Variants in WDR76 observed in about 807,000 individuals in gnomAD.
WDR76 encodes the protein WD repeat domain 76.
WDR76 carries 52 observed loss-of-function variants against 70.2 expected under a neutral mutation model. The ratio of observed to expected loss-of-function variants is 0.74; its 90% CI spans 0.59 to 0.93. WDR76 has a LOEUF of 0.93. WDR76 is among the 40% of genes least tolerant of loss of function. WDR76 has a pLI of 0.00. For synonymous variants in WDR76, 292 were observed against 271.1 expected, an observed-to-expected ratio of 1.08 and a Z score of -0.76; for missense variants, 756 against 760.2, an observed-to-expected ratio of 0.99 and a Z score of 0.07.
In WDR76 at chr15:43,868,054, T is replaced by C. The variant is rs1028376249; in HGVS notation, c.*1662T>C. ...TCTCTGTAATCTAAGTGTAAAAAGGTTTAGTTTTTTAATAGGTTTAGGTGT... is the reference window on the plus strand; with the variant it reads ...TCTCTGTAATCTAAGTGTAAAAAGGCTTAGTTTTTTAATAGGTTTAGGTGT... On this transcript the variant is annotated 3_prime_UTR_variant, in exon 13 of 13. Transcript: ENST00000263795. The C allele has an allele frequency of 3.9e-5, 6 of 152,186 alleles. No individual in the cohort carries two copies. The highest frequency in any genetic ancestry group is 7.4e-5 in the Non-Finnish European group (5 of 68,026). The allele number at this position is 152,186 out of a possible 1,614,324, so 9.4% of individuals were successfully genotyped here.
At chr15:43,862,572 G>A (rs1383939883) in intron 12 of WDR76, among the ~76,000 whole-genome samples, 3 of 150,336 alleles carry the variant, frequency 2.0e-5, no homozygotes, top group African/African-American at 7.4e-5. Flanking sequence ...GCAGGCTCGC[G>A]ATCTCGGCTC....
At chr15:43,835,225 G>T in intron 3 of WDR76, 75 bp downstream of exon 3, 1 of 1,396,876 alleles carries the variant, frequency 7.2e-7, no homozygotes. Context: ...CTGTCACTTG[G>T]GGAGGCTGAC....
chr15:43,845,789 A>C (rs1042561501), intron 8 of WDR76, among the ~76,000 whole-genome samples: 4 of 150,478 alleles, frequency 2.7e-5, no homozygotes, highest in Admixed American at 2.0e-4. Context: ...AGTCAAGTTA[A>C]TGTTCTCTGA....
In WDR76 at chr15:43,827,233, A is replaced by T. The variant is rs2087528745; in HGVS notation, c.60+141A>T. On this transcript the variant is annotated intron_variant, in intron 1 of 12. Transcript: ENST00000263795. ...CCCTGCCCTTAGGCCTTCAGCTTTG[A>T]CGAAAGGTTCTTATCAATAACCCGA... The T allele has an allele frequency of 4.2e-6, 4 of 962,116 alleles. No homozygotes were observed. In the African/African-American group the frequency reaches 6.6e-5, roughly 16 times the overall value. 59.6% of individuals were successfully genotyped at this position (962,116 alleles called of 1,614,324 possible). A position where few individuals can be genotyped will look rare whatever the true frequency, so the allele number is the denominator to read the frequency against.
intron 10 of WDR76, 44 bp downstream of exon 10, chr15:43,857,207 A>G: frequency 6.5e-7 from 1 of 1,527,116 alleles, no homozygotes; most frequent in East Asian, 2.3e-5. Flanking sequence ...TTTTAATGTC[A>G]CAATTACATG....
At chr15:43,850,696 T>C (rs959254453) in intron 8 of WDR76, among the ~76,000 whole-genome samples, 1 of 152,180 alleles carries the variant, frequency 6.6e-6, no homozygotes, top group African/African-American at 2.4e-5. Flanking sequence ...AGTAAGTTAA[T>C]ATTATACAGA....
At position 43,860,677 on chromosome 15, in the gene WDR76, T is replaced by A. The variant is rs183425874; in HGVS notation, c.1563-656T>A. Among the ~76,000 whole-genome samples the A allele has an allele frequency of 8.2e-4, 125 of 151,966 alleles. 2 individuals are homozygous for A. In the East Asian group the frequency reaches 0.01, roughly 12 times the overall value. On this transcript the variant is annotated intron_variant, in intron 11 of 12. Coordinates refer to ENST00000263795, the MANE Select transcript of WDR76 (RefSeq NM_024908.4). ...GCCACCATACCTAGCTATTTTTTTT[T>A]AAATTTTTTTTTGTAGTGATAGGGT...
intron 9 of WDR76, among the ~76,000 whole-genome samples, chr15:43,854,309 C>T (rs2087901033): frequency 6.6e-6 from 1 of 152,206 alleles, no homozygotes. Flanking sequence ...GTAGCTCACA[C>T]CTGTAATCTC....
chr15:43,863,329 A>G (rs2088027223), intron 12 of WDR76, among the ~76,000 whole-genome samples: 1 of 152,172 alleles, frequency 6.6e-6, no homozygotes, highest in Non-Finnish European at 1.5e-5. Context: ...AATCAAGCTA[A>G]TTAACATATG....
intron 9 of WDR76, among the ~76,000 whole-genome samples, chr15:43,853,999 A>G (rs2087897216): frequency 6.6e-6 from 1 of 152,198 alleles, no homozygotes. Flanking sequence ...GGAAATGCAA[A>G]TCACAATGAG....
chr15:43,830,562 C>G (rs75805149), intron 2 of WDR76, among the ~76,000 whole-genome samples: 2 of 49,246 alleles, frequency 4.1e-5, no homozygotes, highest in African/African-American at 7.2e-5. Flanking sequence ...AACTCCGTCT[C>G]AAAAAAAAAA....
intron 9 of WDR76, among the ~76,000 whole-genome samples, chr15:43,854,823 G>A (rs781516786): frequency 6.6e-6 from 1 of 152,138 alleles, no homozygotes; most frequent in South Asian, 2.1e-4. Flanking sequence ...GGTGGCTCAC[G>A]CCTGTAGTCC....
intron 2 of WDR76, among the ~76,000 whole-genome samples, chr15:43,830,494 G>A (rs545932612): frequency 3.8e-4 from 58 of 151,730 alleles, no homozygotes; most frequent in African/African-American, 1.3e-3. Flanking sequence ...CCTGGAAGGT[G>A]GAGGTTGCGG....
intron 9 of WDR76, among the ~76,000 whole-genome samples, chr15:43,851,749 C>T (rs1036283325): frequency 1.3e-5 from 2 of 152,170 alleles, no homozygotes; most frequent in African/African-American, 4.8e-5. Context: ...GCCTGGGCAA[C>T]ATGGCGAGAC....
chr15:43,839,794 C>T (rs1269975219), intron 5 of WDR76, 66 bp downstream of exon 5: 1 of 1,460,556 alleles, frequency 6.8e-7, no homozygotes, highest in Non-Finnish European at 9.2e-7. Flanking sequence ...AGTGTTGAAA[C>T]TAGACTAAAA....
At chr15:43,865,136 C>T (rs1402261343) in intron 12 of WDR76, among the ~76,000 whole-genome samples, 1 of 147,062 alleles carries the variant, frequency 6.8e-6, no homozygotes, top group African/African-American at 2.5e-5. Context: ...CACTCTGTTG[C>T]CCAGGCTGGA....
Position 43,865,255 on chromosome 15 carries a change from C to T in WDR76, c.1617-873C>T, listed in dbSNP as rs558022517. Among the ~76,000 whole-genome samples the T allele has an allele frequency of 3.3e-5, 5 of 151,508 alleles. No homozygotes were observed. The East Asian group carries it at 9.8e-4, about 30-fold the overall frequency. Reference sequence around the variant, plus strand: ...GGATTACAGGCAAGCACCACCATGCCTGGCTACTTTTTGTATTTTTATTTT... The same window carrying T: ...GGATTACAGGCAAGCACCACCATGCTTGGCTACTTTTTGTATTTTTATTTT... On this transcript the variant is annotated intron_variant, in intron 12 of 12. Transcript: ENST00000263795.
At chr15:43,830,562 C>CAAAA (rs1244207750) in intron 2 of WDR76, among the ~76,000 whole-genome samples, 1 of 49,234 alleles carries the variant, frequency 2.0e-5, no homozygotes, top group African/African-American at 7.2e-5. Flanking sequence ...AACTCCGTCT[C>CAAAA]AAAAAAAAAA....
At chr15:43,853,178 C>T (rs2140309023) in intron 9 of WDR76, among the ~76,000 whole-genome samples, 1 of 152,188 alleles carries the variant, frequency 6.6e-6, no homozygotes, top group Middle Eastern at 3.4e-3. Flanking sequence ...TGTGAGCCAC[C>T]ACGCCTGGCC....
Sources: gnomAD v4.1 joint callset for allele counts (sites outside exome capture counted in the v4.1 genomes callset) on GRCh38, gnomAD v4.1.1 for gene constraint, MANE v1.5 for transcripts, NCBI Gene and HGNC (gene_info 2026-07-23, HGNC 2026-07-21) for gene names.